RADX: variants seen among roughly 807,000 people sequenced by gnomAD.
RADX encodes RPA-related protein RADX.
Under a neutral mutation model 61.6 loss-of-function variants are expected in RADX, and 36 were observed. The ratio of observed to expected loss-of-function variants is 0.58; its 90% CI spans 0.45 to 0.77. RADX has a LOEUF of 0.77. Ranked by LOEUF, RADX falls within the 30% of genes least tolerant of loss-of-function variation. The probability of loss-of-function intolerance (pLI) is 0.00; values close to 1 mark genes in which losing one functional copy is unlikely to be tolerated. For missense variants in RADX, 497 were observed against 651.1 expected (o/e 0.76, Z 2.58); for synonymous variants, 272 against 237.9 (o/e 1.14, Z -1.32).
At chrX:106,617,032 T>G (rs1457487033) in intron 1 of RADX, among the ~76,000 whole-genome samples, 3 of 94,773 alleles carry the variant, frequency 3.2e-5, no homozygotes, top group East Asian at 3.1e-4. Flanking sequence ...TTTTTTTTTT[T>G]TTTTTTTTTT....
intron 3 of RADX, among the ~76,000 whole-genome samples, chrX:106,631,861 AAAG>A (rs1055902295): frequency 1.8e-5 from 2 of 109,675 alleles, no homozygotes; most frequent in Admixed American, 9.7e-5. Context: ...GAAAAAGAGA[AAAG>A]AAAGAAAGAA....
intron 3 of RADX, 71 bp downstream of exon 3, chrX:106,625,353 G>A: frequency 1.4e-6 from 1 of 697,494 alleles, no homozygotes; most frequent in African/African-American, 2.2e-5. Flanking sequence ...ACCATATTAG[G>A]AAAAAAGACC....
Position 106,638,073 on chromosome X carries a change from A to G in RADX, c.1573+149A>G, listed in dbSNP as rs572196695. The G allele has an allele frequency of 1.3e-4, 58 of 454,336 alleles. No individual in the cohort carries two copies. In the South Asian group the frequency reaches 2.4e-3, roughly 19 times the overall value. 37.4% of individuals were successfully genotyped at this position (454,336 alleles called of 1,213,427 possible). ...ACCGATAATAGCTTTGTCTTAATGC[A>G]GATCTAAAAATATATGTCACGTATT... is the stretch of plus-strand genomic sequence containing the variant. On this transcript the variant is annotated intron_variant, in intron 8 of 13. Coordinates refer to ENST00000372548, the MANE Select transcript of RADX (RefSeq NM_018015.6).
intron 13 of RADX, among the ~76,000 whole-genome samples, chrX:106,674,158 TTGTG>T (rs370950825): frequency 9.2e-6 from 1 of 109,192 alleles, no homozygotes; most frequent in African/African-American, 3.3e-5. Flanking sequence ...TGAAGGTGTT[TTGTG>T]TGTGTGTGTG....
rs753858842 is a variant in RADX at position 106,625,176 on chromosome X, G to A, written c.873G>A (p.Arg291=). Reference sequence around the variant, plus strand: ...GTCCTGAGTGGTATAAAAGTTTGCGGGTTGGTTTAGTTCTTCTGCTTCAAG... The same window carrying A: ...GTCCTGAGTGGTATAAAAGTTTGCGAGTTGGTTTAGTTCTTCTGCTTCAAG... ...ALCPEWYKSL[R]VGLVLLLQDY... The change falls in exon 3 of 14, where the codon CGG becomes CGA. Residue 291 remains arginine (R), a synonymous_variant. Transcript: ENST00000372548. The A allele has an allele frequency of 1.7e-6, 2 of 1,204,551 alleles. No homozygotes were observed. The highest frequency in any genetic ancestry group is 3.5e-5 in the African/African-American group (2 of 56,954).
chrX:106,652,962 G>A (rs1303114196), intron 11 of RADX, among the ~76,000 whole-genome samples: 2 of 96,650 alleles, frequency 2.1e-5, no homozygotes, highest in Non-Finnish European at 4.0e-5. Context: ...CTCTAGCCTG[G>A]GTGACAGAGT....
At chrX:106,613,063 T>A (rs1034857889) in intron 1 of RADX, among the ~76,000 whole-genome samples, 1 of 112,341 alleles carries the variant, frequency 8.9e-6, no homozygotes, top group African/African-American at 3.2e-5. Flanking sequence ...GGAATTAATC[T>A]TAGTTTTATT....
chrX:106,650,552 A>C (rs890468691), intron 11 of RADX, among the ~76,000 whole-genome samples: 1 of 110,642 alleles, frequency 9.0e-6, no homozygotes, highest in African/African-American at 3.3e-5. Context: ...TAGGCCAATC[A>C]GAAAGAGGCT....
Position 106,632,644 on chromosome X carries a change from A to G in RADX, c.999A>G (p.Arg333=). 8.4e-7 allele frequency: 1 copy of G among 1,197,109 alleles called. No homozygotes were observed. The highest frequency in any genetic ancestry group is 1.1e-6 in the Non-Finnish European group (1 of 884,899). ...TTTCAGAAATCTGCCTGAATCTTCGAGATCCCCCAACAAATATAATTATCA... is the reference window on the plus strand; with the variant it reads ...TTTCAGAAATCTGCCTGAATCTTCGGGATCCCCCAACAAATATAATTATCA... ...ISTMEICLNL[R]DPPTNIIIIP... is the part of the protein sequence containing the mutation. The change falls in exon 4 of 14, where the codon CGA becomes CGG. Residue 333 remains arginine (R), a synonymous_variant. Coordinates refer to ENST00000372548, the MANE Select transcript of RADX (RefSeq NM_018015.6).
At chrX:106,628,015 T>C (rs1927114988) in intron 3 of RADX, among the ~76,000 whole-genome samples, 2 of 111,064 alleles carry the variant, frequency 1.8e-5, no homozygotes, top group Non-Finnish European at 3.8e-5. Context: ...TTTGTTTTTT[T>C]AGTAGAGACG....
chrX:106,637,905 G>A lies in RADX; in HGVS notation c.1554G>A (p.Lys518=). The change falls in exon 8 of 14, where the codon AAG becomes AAA. Residue 518 remains lysine, a synonymous_variant. Coordinates refer to ENST00000372548, the MANE Select transcript of RADX (RefSeq NM_018015.6). ...PYPPVPETFS[K]YSSSIKVESL... ...CACCAGTGCCAGAGACATTTTCCAA[G>A]TATAGTAGTTCTATTAAAGGTACTA... is the stretch of plus-strand genomic sequence containing the variant. 8.3e-7 allele frequency: 1 copy of A among 1,204,301 alleles called. No homozygotes were observed. The highest frequency in any genetic ancestry group is 1.8e-5 in the South Asian group (1 of 56,750).
intron 3 of RADX, 46 bp from the exon 4 acceptor site, chrX:106,632,579 T>C (rs768300826): frequency 1.2e-6 from 1 of 851,181 alleles, no homozygotes; most frequent in Non-Finnish European, 1.7e-6. Flanking sequence ...GTATATTCTT[T>C]GGTGTGTATT....
Position 106,662,035 on chromosome X carries a change from A to G in RADX, c.1999A>G (p.Asn667Asp), listed in dbSNP as rs1357231261. Reference sequence around the variant, plus strand: ...AACAGGTCGAGCAAATATAAATGCTAATCTGCAAGGGAAAGCCAGAAAAAC... The same window carrying G: ...AACAGGTCGAGCAAATATAAATGCTGATCTGCAAGGGAAAGCCAGAAAAAC... ...IFNRRANINA[N>D]LQGKARKTIS... Residue 667 changes from asparagine to aspartate, a missense_variant, in exon 12 of 14, where the codon AAT (asparagine) becomes GAT (aspartate). By Grantham distance (23) the Asn-to-Asp change is conservative. This residue lies in a region of RADX where 267 missense variants were observed against 306.9 expected (regional missense o/e 0.87). Transcript: ENST00000372548. 8.3e-7 allele frequency: 1 copy of G among 1,210,162 alleles called. No homozygotes were observed. Among genetic ancestry groups the G allele is most frequent in the Non-Finnish European group, 1.1e-6 (1 of 894,626 alleles).
intron 11 of RADX, among the ~76,000 whole-genome samples, chrX:106,655,306 T>G (rs975809759): frequency 2.8e-5 from 3 of 108,818 alleles, no homozygotes; most frequent in Non-Finnish European, 3.8e-5. Flanking sequence ...TTTCTTTTTT[T>G]TTTTTAAGTT....
intron 13 of RADX, among the ~76,000 whole-genome samples, chrX:106,677,499 AT>A (rs751692847): frequency 0.076 from 6,994 of 91,562 alleles, 655 homozygotes; most frequent in African/African-American, 0.26. Flanking sequence ...CACCTGATCC[AT>A]TTTTTTTTTT....
intron 12 of RADX, 135 bp downstream of exon 12, chrX:106,662,440 G>C: frequency 4.1e-6 from 2 of 493,233 alleles, no homozygotes; most frequent in Non-Finnish European, 6.5e-6. Flanking sequence ...TCCAACAAAA[G>C]GAATGGAGCA....
Position 106,669,325 on chromosome X carries a change from T to C in RADX, c.2432T>C (p.Val811Ala), listed in dbSNP as rs1307225446. The change falls in exon 13 of 14, where the codon GTT (valine) becomes GCT (alanine). Residue 811 changes from valine to alanine, a missense_variant. By Grantham distance (64) the Val-to-Ala change is moderately conservative. Transcript: ENST00000372548. ...GACCGATTGCCAGGTCCAAGAGCGG[T>C]TGCAGGTAAAACAATCTCAGTGTTC... ...GNDRLPGPRAVAGDIIKAATE... is the reference protein window; with the variant it reads ...GNDRLPGPRAAAGDIIKAATE... 111 of 1,179,875 alleles carry C rather than the reference T, an allele frequency of 9.4e-5. No homozygotes were observed. The highest frequency in any genetic ancestry group is 1.1e-4 in the Non-Finnish European group (101 of 878,782).
At chrX:106,634,424 G>A (rs1170728497) in intron 6 of RADX, among the ~76,000 whole-genome samples, 1 of 111,352 alleles carries the variant, frequency 9.0e-6, no homozygotes, top group Admixed American at 9.6e-5. Flanking sequence ...GTGAGCCACT[G>A]CACCTGGCCT....
Position 106,628,748 on chromosome X carries a change from A to T in RADX, c.979+3466A>T, listed in dbSNP as rs768322819. On this transcript the variant is annotated intron_variant, in intron 3 of 13. Coordinates refer to ENST00000372548, the MANE Select transcript of RADX (RefSeq NM_018015.6). ...AACCTTCACCTCCTGGGTTCAAATG[A>T]TTCTCCTGCCCGAGTAGCTGGGATT... Among the ~76,000 whole-genome samples the T allele has an allele frequency of 3.7e-5, 4 of 107,468 alleles. No individual in the cohort carries two copies. In the South Asian group the frequency reaches 1.7e-3, roughly 45 times the overall value. 93.3% of individuals were successfully genotyped at this position (107,468 alleles called of 115,157 possible).
Sources: gnomAD v4.1 joint callset for allele counts (sites outside exome capture counted in the v4.1 genomes callset) on GRCh38, gnomAD v4.1.1 for gene constraint, gnomAD v4.1.1 regional missense constraint, MANE v1.5 for transcripts, NCBI Gene and HGNC (gene_info 2026-07-23, HGNC 2026-07-21) for gene names.